The following PCDHGA9 variants were observed in gnomAD, a reference collection of about 807,000 sequenced individuals.
The protein encoded by PCDHGA9 is protocadherin gamma-A9.
A neutral mutation model predicts 62.5 loss-of-function variants in PCDHGA9; 37 were observed. That is an observed-to-expected ratio of 0.59 (90% CI 0.46 to 0.78). PCDHGA9 has a LOEUF of 0.78. Among genes scored for constraint, PCDHGA9 ranks in the 30% least tolerant of loss-of-function variants. The probability of loss-of-function intolerance (pLI) is 0.00; values close to 1 mark genes in which losing one functional copy is unlikely to be tolerated. For synonymous variants in PCDHGA9, 459 were observed against 484.6 expected (o/e 0.95, Z 0.69); for missense variants, 1,138 against 1,166.2 (o/e 0.98, Z 0.35).
In PCDHGA9 at chr5:141,512,267, G is replaced by C. The variant is rs2099884152; in HGVS notation, c.*1094G>C. On this transcript the variant is annotated 3_prime_UTR_variant, in exon 4 of 4. Coordinates refer to ENST00000573521, the MANE Select transcript of PCDHGA9 (RefSeq NM_018921.3). ...GCCTCTGTGGGTGCTGGGTACTCCA[G>C]AGGTGCCACTGGTGGAAGGGTCAGC... 2.6e-5 allele frequency: 4 copies of C among 152,744 alleles called. No homozygotes were observed. Among genetic ancestry groups the C allele is most frequent in the Admixed American group, 2.6e-4 (4 of 15,290 alleles). 9.5% of individuals were successfully genotyped at this position (152,744 alleles called of 1,614,324 possible). A position where few individuals can be genotyped will look rare whatever the true frequency, so the allele number is the denominator to read the frequency against.
chr5:141,473,655 G>A (rs2099326380), intron 1 of PCDHGA9, among the ~76,000 whole-genome samples: 1 of 152,182 alleles, frequency 6.6e-6, no homozygotes, highest in Non-Finnish European at 1.5e-5. Context: ...AACAATTTGT[G>A]TGAAGGCCCT....
At chr5:141,413,070 T>G (rs990993849) in intron 1 of PCDHGA9, 1 of 1,195,014 alleles carries the variant, frequency 8.4e-7, no homozygotes, top group African/African-American at 1.5e-5. Context: ...GAATTTAAAG[T>G]GCCCAGGCTA....
In PCDHGA9 at chr5:141,421,238, G is replaced by C. The variant is rs920128735; in HGVS notation, c.2424+15862G>C. 3.1e-6 allele frequency: 5 copies of C among 1,597,422 alleles called. No individual in the cohort carries two copies. Among genetic ancestry groups the C allele is most frequent in the African/African-American group, 2.7e-5 (2 of 74,378 alleles). ...GGCTTAGAGCCTGCCATGGCGAATC[G>C]GCTACAGCGCGGGGACCGCAGTCGG... On this transcript the variant is annotated intron_variant, in intron 1 of 3. Transcript: ENST00000573521.
At position 141,409,894 on chromosome 5, in the gene PCDHGA9, C is replaced by A. The variant is rs1440813020; in HGVS notation, c.2424+4518C>A. The A allele has an allele frequency of 2.5e-6, 4 of 1,613,196 alleles. No homozygotes were observed. In the Admixed American group the frequency reaches 5.0e-5, roughly 20 times the overall value. ...ATGACAACGCACCGCGGGTGCTGTACCCAGCTCTGGGTCCTGACGGCTCCG... is the reference window on the plus strand; with the variant it reads ...ATGACAACGCACCGCGGGTGCTGTAACCAGCTCTGGGTCCTGACGGCTCCG... On this transcript the variant is annotated intron_variant, in intron 1 of 3. Transcript: ENST00000573521.
intron 1 of PCDHGA9, among the ~76,000 whole-genome samples, chr5:141,435,770 C>G (rs1445835726): frequency 6.6e-6 from 1 of 152,070 alleles, no homozygotes; most frequent in Non-Finnish European, 1.5e-5. Context: ...TTGGTGAATT[C>G]TGTAAAGGTG....
chr5:141,479,490 G>A (rs1334340000), intron 1 of PCDHGA9: 1 of 152,248 alleles, frequency 6.6e-6, no homozygotes, highest in Non-Finnish European at 1.5e-5. Context: ...AGGACCATCA[G>A]GTTGCCTAAA....
At chr5:141,470,983 C>G (rs1486663328) in intron 1 of PCDHGA9, among the ~76,000 whole-genome samples, 2 of 151,528 alleles carry the variant, frequency 1.3e-5, no homozygotes, top group African/African-American at 4.9e-5. Context: ...TCCCAAAGTG[C>G]TGGGACTACA....
intron 1 of PCDHGA9, chr5:141,411,714 G>C (rs889829564): frequency 6.6e-6 from 1 of 152,420 alleles, no homozygotes; most frequent in Middle Eastern, 3.1e-3. Context: ...AGACTCCATC[G>C]CTACAGAACA....
rs1206206519 is a variant in PCDHGA9 at position 141,432,127 on chromosome 5, C to G, written c.2424+26751C>G. ...ACCCGCCGGTCTTCCCTCAGGCCTC[C>G]TATTCCGCTTATATCCCAGAGAACA... On this transcript the variant is annotated intron_variant, in intron 1 of 3. Coordinates refer to ENST00000573521, the MANE Select transcript of PCDHGA9 (RefSeq NM_018921.3). The surrounding 1 kb of genome is among the most constrained non-coding windows in gnomAD (Gnocchi z 6.0). The G allele has an allele frequency of 6.8e-6, 11 of 1,614,160 alleles. No homozygotes were observed. The highest frequency in any genetic ancestry group is 8.5e-6 in the Non-Finnish European group (10 of 1,180,032).
In PCDHGA9 at chr5:141,475,307, T is replaced by C. The variant is rs527879991; in HGVS notation, c.2425-19500T>C. The stretch of plus-strand genomic sequence containing the variant: ...GGTAGGGAAATTTCTTATTGCTCCC[T>C]GGTTCTTAAGAAATGAGAGCTAACA... On this transcript the variant is annotated intron_variant, in intron 1 of 3. Transcript: ENST00000573521. 2.8e-4 allele frequency among the ~76,000 whole-genome samples: 43 copies of C among 152,348 alleles called. 1 individual carries two copies. Among genetic ancestry groups the C allele is most frequent in the Admixed American group, 8.5e-4 (13 of 15,298 alleles).
chr5:141,501,290 T>TACACACAC (rs55762287), intron 2 of PCDHGA9, among the ~76,000 whole-genome samples: 94 of 136,244 alleles, frequency 6.9e-4, no homozygotes, highest in Admixed American at 2.2e-3. Context: ...TATTCCCTTA[T>TACACACAC]ACACACACAC....
chr5:141,509,900 C>T (rs2099878860), intron 3 of PCDHGA9, among the ~76,000 whole-genome samples: 1 of 152,186 alleles, frequency 6.6e-6, no homozygotes, highest in Admixed American at 6.5e-5. Context: ...CTGTCCCTTC[C>T]AGCATGCGCT....
chr5:141,483,736 G>A (rs1296877404), intron 1 of PCDHGA9, among the ~76,000 whole-genome samples: 1 of 152,110 alleles, frequency 6.6e-6, no homozygotes, highest in Non-Finnish European at 1.5e-5. Flanking sequence ...ATAGTCAAAA[G>A]GATATTCCTG....
intron 1 of PCDHGA9, chr5:141,412,460 G>C (rs2095557510): frequency 1.3e-5 from 2 of 152,244 alleles, no homozygotes; most frequent in South Asian, 4.1e-4. Flanking sequence ...AACTATTCTA[G>C]AAGAGTACTT....
intron 1 of PCDHGA9, among the ~76,000 whole-genome samples, chr5:141,453,288 ATTATTTATTTAT>A (rs577328880): frequency 6.6e-6 from 1 of 151,342 alleles, no homozygotes; most frequent in African/African-American, 2.4e-5. Context: ...TAATTTTTTA[ATTATTTATTTAT>A]TTATTTATTT....
chr5:141,497,122 G>A (rs1407489807), intron 2 of PCDHGA9, among the ~76,000 whole-genome samples: 1 of 151,992 alleles, frequency 6.6e-6, no homozygotes, highest in East Asian at 1.9e-4. Flanking sequence ...GAAGGCAGAG[G>A]TTGCAGTGAG....
chr5:141,415,136 G>C (rs763832284), intron 1 of PCDHGA9: 1 of 1,613,548 alleles, frequency 6.2e-7, no homozygotes, highest in Admixed American at 1.7e-5. Flanking sequence ...CAGGACCACG[G>C]CCAGCCCCCT....
intron 1 of PCDHGA9, chr5:141,442,360 G>A (rs890049391): frequency 6.6e-6 from 1 of 152,272 alleles, no homozygotes; most frequent in African/African-American, 2.4e-5. Flanking sequence ...GTAGCTCTAT[G>A]ATGCCATATT....
At position 141,511,456 on chromosome 5, in the gene PCDHGA9, C is replaced by A. The variant is rs900802210; in HGVS notation, c.*283C>A. ...TACTGTAGACACCAAGAACCATTTG[C>A]CACACCCCGTTTAGTTACAGCTGAA... On this transcript the variant is annotated 3_prime_UTR_variant, in exon 4 of 4. Transcript: ENST00000573521. 3.4e-6 allele frequency: 2 copies of A among 585,210 alleles called. No homozygotes were observed. The highest frequency in any genetic ancestry group is 5.7e-6 in the Non-Finnish European group (2 of 351,786). 36.3% of individuals were successfully genotyped at this position (585,210 alleles called of 1,614,324 possible).
Sources: gnomAD v4.1 joint callset for allele counts (sites outside exome capture counted in the v4.1 genomes callset) on GRCh38, gnomAD v4.1.1 for gene constraint, Gnocchi (gnomAD v3.1) non-coding constraint, MANE v1.5 for transcripts, NCBI Gene and HGNC (gene_info 2026-07-23, HGNC 2026-07-21) for gene names.